ZSWIM6: variants seen among roughly 807,000 people sequenced by gnomAD.
ZSWIM6 encodes zinc finger SWIM domain-containing protein 6.
ZSWIM6 carries 9 observed loss-of-function variants against 113.2 expected under a neutral mutation model. That is an observed-to-expected ratio of 0.08 (90% CI 0.05 to 0.14). The LOEUF (loss-of-function observed/expected upper bound fraction) is 0.14. Among genes scored for constraint, ZSWIM6 ranks in the 10% least tolerant of loss-of-function variants. ZSWIM6 has a pLI of 1.00. For synonymous variants in ZSWIM6, 611 were observed against 606.5 expected (o/e 1.01, Z -0.11); for missense variants, 1,162 against 1,552.2 (o/e 0.75, Z 4.22).
At position 61,332,488 on chromosome 5, in the gene ZSWIM6, G is replaced by T; in HGVS notation, c.216G>T (p.Gln72His). ...GGTTGCTGCCGCCGGGCAAGACCCA[G>T]AGCCCCGAGTCGCTGCTGGACATCG... ...ALGLLPPGKT[Q>H]SPESLLDIAA... The change falls in exon 1 of 14, where the codon CAG becomes CAT. Residue 72 changes from glutamine (Q) to histidine (H), a missense_variant. This residue lies in a region of ZSWIM6 where 333 missense variants were observed against 293.4 expected (regional missense o/e 1.13). Transcript: ENST00000252744. 1 of 1,238,806 alleles carries T rather than the reference G, an allele frequency of 8.1e-7. No homozygotes were observed. 76.7% of individuals were successfully genotyped at this position (1,238,806 alleles called of 1,614,324 possible).
chr5:61,372,226 T>TA (rs926579888), intron 1 of ZSWIM6, among the ~76,000 whole-genome samples: 21 of 149,544 alleles, frequency 1.4e-4, no homozygotes, highest in East Asian at 3.9e-4. Flanking sequence ...TCTTCCACCT[T>TA]AAAAAAAAAG....
At chr5:61,503,620 A>G (rs1009139491) in intron 4 of ZSWIM6, among the ~76,000 whole-genome samples, 1 of 152,174 alleles carries the variant, frequency 6.6e-6, no homozygotes, top group African/African-American at 2.4e-5. Context: ...TCCTGTTAGG[A>G]GGAATACTTC....
intron 1 of ZSWIM6, chr5:61,390,843 G>T: frequency 1.2e-6 from 1 of 820,666 alleles, no homozygotes. Context: ...CTTGTGAAGG[G>T]TGAGCACTTG....
intron 1 of ZSWIM6, among the ~76,000 whole-genome samples, chr5:61,440,811 C>A (rs1417903238): frequency 6.6e-6 from 1 of 152,122 alleles, no homozygotes; most frequent in Non-Finnish European, 1.5e-5. Context: ...CAGCCATGTG[C>A]CTGGTCCTGG....
intron 5 of ZSWIM6, among the ~76,000 whole-genome samples, chr5:61,523,944 A>G (rs1027389876): frequency 6.6e-6 from 1 of 152,248 alleles, no homozygotes; most frequent in African/African-American, 2.4e-5. Context: ...TAAAAATGGA[A>G]TCATGTTAAC....
At chr5:61,435,114 A>G (rs912914535) in intron 1 of ZSWIM6, among the ~76,000 whole-genome samples, 13 of 152,296 alleles carry the variant, frequency 8.5e-5, no homozygotes, top group Admixed American at 3.9e-4. Flanking sequence ...CTTGACTTCT[A>G]TGGACCTTCT....
chr5:61,332,882 C>A lies in ZSWIM6; in HGVS notation c.610C>A (p.Arg204=). The change falls in exon 1 of 14, where the codon CGG becomes AGG. Residue 204 remains arginine (R), a synonymous_variant. Transcript: ENST00000252744. ...GGCGGCGGACGGCGGCGACGAGACG[C>A]GGCTGCCTTTCCGCCGGGGCATCGC... ...AGAADGGDET[R]LPFRRGIALL... 7.6e-7 allele frequency: 1 copy of A among 1,313,356 alleles called. No individual in the cohort carries two copies. The highest frequency in any genetic ancestry group is 9.9e-7 in the Non-Finnish European group (1 of 1,015,030). The allele number at this position is 1,313,356 out of a possible 1,614,324, so 81.4% of individuals were successfully genotyped here. A position where few individuals can be genotyped will look rare whatever the true frequency, so the allele number is the denominator to read the frequency against.
intron 1 of ZSWIM6, among the ~76,000 whole-genome samples, chr5:61,358,067 A>G (rs1744956495): frequency 6.6e-6 from 1 of 152,144 alleles, no homozygotes; most frequent in South Asian, 2.1e-4. Flanking sequence ...GCTTAAAACT[A>G]AGTTCCACCA....
intron 1 of ZSWIM6, among the ~76,000 whole-genome samples, chr5:61,403,629 C>G (rs577261949): frequency 6.6e-6 from 1 of 152,300 alleles, no homozygotes; most frequent in Admixed American, 6.5e-5. Flanking sequence ...TTAGAAAGCA[C>G]ACTTGGAAAA....
chr5:61,392,126 T>G (rs1195994327), intron 1 of ZSWIM6, among the ~76,000 whole-genome samples: 1 of 152,222 alleles, frequency 6.6e-6, no homozygotes, highest in Non-Finnish European at 1.5e-5. Flanking sequence ...ATGTGAGATA[T>G]CTTTATGTAT....
intron 1 of ZSWIM6, among the ~76,000 whole-genome samples, chr5:61,333,767 C>T (rs1744323484): frequency 6.6e-6 from 1 of 151,876 alleles, no homozygotes; most frequent in South Asian, 2.1e-4. Flanking sequence ...CTGAAGCTGC[C>T]TCCAGACACC....
Position 61,483,290 on chromosome 5 carries a change from A to G in ZSWIM6, c.1034-7496A>G, listed in dbSNP as rs556181479. Among the ~76,000 whole-genome samples, 21 of 152,290 alleles carry G rather than the reference A, an allele frequency of 1.4e-4. No homozygotes were observed. The South Asian group carries it at 4.3e-3, about 32-fold the overall frequency. ...TGATAACCCATTAATCCATTAATAC[A>G]TTAATCCAAGAATGGATTAATACAT... On this transcript the variant is annotated intron_variant, in intron 2 of 13. Transcript: ENST00000252744.
intron 1 of ZSWIM6, among the ~76,000 whole-genome samples, chr5:61,379,313 G>T (rs1414258287): frequency 6.6e-6 from 1 of 151,650 alleles, no homozygotes; most frequent in Non-Finnish European, 1.5e-5. Flanking sequence ...TTCAAGGCTA[G>T]ACCTCGTGTA....
At chr5:61,479,411 C>T (rs957212886) in intron 2 of ZSWIM6, among the ~76,000 whole-genome samples, 5 of 152,114 alleles carry the variant, frequency 3.3e-5, no homozygotes, top group African/African-American at 1.2e-4. Context: ...CAATACCCTT[C>T]ATCCTCTCTT....
rs373450189 is a variant in ZSWIM6 at position 61,421,855 on chromosome 5, C to T, written c.677-50826C>T. Among the ~76,000 whole-genome samples, 9 of 152,216 alleles carry T rather than the reference C, an allele frequency of 5.9e-5. No individual in the cohort carries two copies. In the East Asian group the frequency reaches 1.2e-3, roughly 20 times the overall value. ...ATAGTATTCCATGGTGTATATGTAC[C>T]ACATTTTCTTTAGCCAGTATGTCAT... On this transcript the variant is annotated intron_variant, in intron 1 of 13. Transcript: ENST00000252744.
intron 2 of ZSWIM6, among the ~76,000 whole-genome samples, chr5:61,480,526 C>T (rs886896269): frequency 6.6e-6 from 1 of 152,068 alleles, no homozygotes; most frequent in Non-Finnish European, 1.5e-5. Flanking sequence ...TATATTATGG[C>T]AGTAGAATTA....
intron 1 of ZSWIM6, among the ~76,000 whole-genome samples, chr5:61,437,717 C>CAAAAA (rs1177075747): frequency 5.3e-5 from 3 of 56,856 alleles, no homozygotes; most frequent in Non-Finnish European, 1.0e-4. Flanking sequence ...ACCCTTTCTC[C>CAAAAA]AAAAAAAAAA....
At chr5:61,511,341 T>C (rs1227976190) in intron 4 of ZSWIM6, among the ~76,000 whole-genome samples, 1 of 152,174 alleles carries the variant, frequency 6.6e-6, no homozygotes, top group African/African-American at 2.4e-5. Flanking sequence ...GGAGTTCTTT[T>C]TTCTTCAAAA....
intron 4 of ZSWIM6, among the ~76,000 whole-genome samples, chr5:61,519,589 C>T (rs965533474): frequency 4.6e-5 from 7 of 152,066 alleles, no homozygotes; most frequent in Middle Eastern, 6.8e-3. Flanking sequence ...TTGGGAGGGA[C>T]GGGTGTGGAC....
Sources: gnomAD v4.1 joint callset for allele counts (sites outside exome capture counted in the v4.1 genomes callset) on GRCh38, gnomAD v4.1.1 for gene constraint, gnomAD v4.1.1 regional missense constraint, MANE v1.5 for transcripts, NCBI Gene and HGNC (gene_info 2026-07-23, HGNC 2026-07-21) for gene names.